Variants in NRXN3 observed in about 807,000 individuals in gnomAD.
The protein encoded by NRXN3 is neurexin III.
In NRXN3, 32 loss-of-function variants were observed where a neutral mutation model predicts 137.6. The observed-to-expected ratio is 0.23, with a 90% CI of 0.18 to 0.31. NRXN3 has a LOEUF of 0.31. Ranked by LOEUF, NRXN3 falls within the 10% of genes least tolerant of loss-of-function variation. NRXN3 has a pLI of 1.00. For missense variants in NRXN3, 1,574 were observed against 2,062.5 expected, an observed-to-expected ratio of 0.76 and a Z score of 4.59; for synonymous variants, 798 against 784.5, an observed-to-expected ratio of 1.02 and a Z score of -0.29.
chr14:78,681,833 C>T (rs1172487524), intron 6 of NRXN3, among the ~76,000 whole-genome samples: 3 of 152,058 alleles, frequency 2.0e-5, no homozygotes, highest in Non-Finnish European at 2.9e-5. Flanking sequence ...AGCTCTTTTC[C>T]TCATTGCGTG....
intron 20 of NRXN3, among the ~76,000 whole-genome samples, chr14:79,836,896 C>T (rs2099345246): frequency 6.6e-6 from 1 of 152,108 alleles, no homozygotes; most frequent in African/African-American, 2.4e-5. Context: ...ATACGGGACC[C>T]TCACAGTGGT....
intron 15 of NRXN3, chr14:78,988,376 A>G (rs1196723951): frequency 2.0e-6 from 1 of 505,314 alleles, no homozygotes; most frequent in Non-Finnish European, 3.5e-6. Flanking sequence ...TTTTCTTTAG[A>G]TTAGAATAGC....
At chr14:78,596,588 C>A (rs948599948) in intron 4 of NRXN3, among the ~76,000 whole-genome samples, 4 of 152,156 alleles carry the variant, frequency 2.6e-5, no homozygotes, top group African/African-American at 9.7e-5. Flanking sequence ...CTGCCCCTGA[C>A]AACACCAATT....
intron 17 of NRXN3, among the ~76,000 whole-genome samples, chr14:79,686,118 C>A (rs910439633): frequency 3.9e-5 from 6 of 151,986 alleles, no homozygotes; most frequent in Non-Finnish European, 8.8e-5. Context: ...ACAGTGAAAC[C>A]CCATCTCTCC....
intron 4 of NRXN3, among the ~76,000 whole-genome samples, chr14:78,419,952 C>CGT (rs2093353994): frequency 5.0e-5 from 1 of 19,816 alleles, no homozygotes; most frequent in African/African-American, 1.2e-4. Flanking sequence ...TGTGCGCGCG[C>CGT]GCGCGCACGC....
At chr14:79,241,396 G>A (rs1312363491) in intron 15 of NRXN3, among the ~76,000 whole-genome samples, 1 of 152,166 alleles carries the variant, frequency 6.6e-6, no homozygotes, top group Non-Finnish European at 1.5e-5. Context: ...GTTCCACATG[G>A]CTAGGGAGGC....
intron 4 of NRXN3, among the ~76,000 whole-genome samples, chr14:78,644,159 TAAA>T (rs1468187191): frequency 3.4e-4 from 40 of 117,834 alleles, no homozygotes; most frequent in Non-Finnish European, 1.3e-4. Context: ...AAAAAGGAAA[TAAA>T]AAGAAGAAGA....
At chr14:78,480,352 G>A (rs1305674188) in intron 4 of NRXN3, among the ~76,000 whole-genome samples, 1 of 152,132 alleles carries the variant, frequency 6.6e-6, no homozygotes, top group Non-Finnish European at 1.5e-5. Context: ...GGTTAGAGGA[G>A]CATCTTTCAA....
At chr14:79,449,966 G>C (rs1332976893) in intron 15 of NRXN3, among the ~76,000 whole-genome samples, 1 of 130,414 alleles carries the variant, frequency 7.7e-6, no homozygotes, top group African/African-American at 3.0e-5. Flanking sequence ...ACTCCAGCCT[G>C]GGCAACAGAG....
At chr14:79,016,707 G>T (rs2152422745) in intron 15 of NRXN3, among the ~76,000 whole-genome samples, 1 of 152,262 alleles carries the variant, frequency 6.6e-6, no homozygotes, top group Admixed American at 6.5e-5. Flanking sequence ...ATTTAACTCT[G>T]CTGTTGTCTA....
chr14:78,597,102 G>A (rs1291110709), intron 4 of NRXN3, among the ~76,000 whole-genome samples: 1 of 152,122 alleles, frequency 6.6e-6, no homozygotes, highest in Non-Finnish European at 1.5e-5. Flanking sequence ...AGATCCTGAG[G>A]GCATAATCTG....
intron 15 of NRXN3, among the ~76,000 whole-genome samples, chr14:79,186,412 T>A (rs2063551706): frequency 6.6e-6 from 1 of 152,222 alleles, no homozygotes; most frequent in African/African-American, 2.4e-5. Context: ...CTCTTTTTTA[T>A]GAATCACCCA....
intron 8 of NRXN3, among the ~76,000 whole-genome samples, chr14:78,731,846 T>C (rs1051884569): frequency 1.8e-4 from 27 of 152,178 alleles, no homozygotes; most frequent in Admixed American, 1.5e-3. Flanking sequence ...TTCAGTGTTA[T>C]ATGATCTTTG....
At chr14:79,023,895 G>A (rs2099593886) in intron 15 of NRXN3, among the ~76,000 whole-genome samples, 1 of 152,062 alleles carries the variant, frequency 6.6e-6, no homozygotes, top group Admixed American at 6.6e-5. Flanking sequence ...ATTATCAGGA[G>A]GGGTGCCCAG....
chr14:79,647,237 A>AT lies in NRXN3; in HGVS notation c.3445-16534dup, dbSNP rs1291888500. On this transcript the variant is annotated intron_variant, in intron 16 of 20. Transcript: ENST00000335750. ...TGACAGTCTGTTATAAACGAAAATAATTTTTTTCACTATCAGTTTCTACTC... is the reference window on the plus strand; with the variant it reads ...TGACAGTCTGTTATAAACGAAAATAATTTTTTTTCACTATCAGTTTCTACTC... Among the ~76,000 whole-genome samples the AT allele has an allele frequency of 8.1e-5, 11 of 135,528 alleles. 3 individuals are homozygous for AT. The highest frequency in any genetic ancestry group is 1.9e-4 in the Non-Finnish European group (11 of 58,320). 88.9% of individuals were successfully genotyped at this position (135,528 alleles called of 152,430 possible).
intron 4 of NRXN3, among the ~76,000 whole-genome samples, chr14:78,485,905 G>A (rs546761710): frequency 6.6e-6 from 1 of 152,202 alleles, no homozygotes; most frequent in Non-Finnish European, 1.5e-5. Flanking sequence ...TACAGTATGG[G>A]CAGGTAGACA....
intron 10 of NRXN3, among the ~76,000 whole-genome samples, chr14:78,926,600 A>T (rs1480892951): frequency 8.6e-6 from 1 of 116,004 alleles, no homozygotes; most frequent in Non-Finnish European, 1.7e-5. Context: ...ATACAAAATT[A>T]TATATATATA....
intron 10 of NRXN3, among the ~76,000 whole-genome samples, chr14:78,886,857 G>A (rs903542121): frequency 6.6e-6 from 1 of 152,146 alleles, no homozygotes; most frequent in East Asian, 1.9e-4. Flanking sequence ...TTCTGCACAG[G>A]AAAGACCACT....
chr14:79,250,304 T>A (rs893537070), intron 15 of NRXN3, among the ~76,000 whole-genome samples: 2 of 152,022 alleles, frequency 1.3e-5, no homozygotes, highest in African/African-American at 4.8e-5. Flanking sequence ...TTTGGGAACA[T>A]GAAAGGTAGA....
Sources: gnomAD v4.1 joint callset for allele counts (sites outside exome capture counted in the v4.1 genomes callset) on GRCh38, gnomAD v4.1.1 for gene constraint, MANE v1.5 for transcripts, NCBI Gene and HGNC (gene_info 2026-07-23, HGNC 2026-07-21) for gene names.